The following SPECC1 variants were observed in gnomAD, a reference collection of about 807,000 sequenced individuals.
The protein encoded by SPECC1 is sperm antigen with calponin homology and coiled-coil domains 1.
SPECC1 carries 62 observed loss-of-function variants against 104.1 expected under a neutral mutation model. The observed-to-expected ratio is 0.60, with a 90% CI of 0.49 to 0.74. SPECC1 has a LOEUF of 0.74. SPECC1 is among the 30% of genes least tolerant of loss of function. SPECC1 has a pLI of 0.00. For synonymous variants in SPECC1, 513 were observed against 501.6 expected, an observed-to-expected ratio of 1.02 and a Z score of -0.30; for missense variants, 1,306 against 1,310.5, an observed-to-expected ratio of 1.00 and a Z score of 0.05.
At chr17:20,186,176 A>G (rs1430620399) in intron 3 of SPECC1, among the ~76,000 whole-genome samples, 1 of 152,198 alleles carries the variant, frequency 6.6e-6, no homozygotes, top group Non-Finnish European at 1.5e-5. Context: ...CATTTTAACT[A>G]CAGACACATC....
chr17:20,312,690 A>T (rs1162811116), intron 14 of SPECC1, among the ~76,000 whole-genome samples: 2 of 152,200 alleles, frequency 1.3e-5, no homozygotes, highest in African/African-American at 4.8e-5. Context: ...CAGTGTAGGT[A>T]GAAGGAGACA....
At position 20,239,280 on chromosome 17, in the gene SPECC1, C is replaced by T. The variant is rs538933068; in HGVS notation, c.2352-6646C>T. 1.1e-5 allele frequency: 11 copies of T among 1,013,312 alleles called. No individual in the cohort carries two copies. In the South Asian group the frequency reaches 2.8e-4, roughly 26 times the overall value. 62.8% of individuals were successfully genotyped at this position (1,013,312 alleles called of 1,614,324 possible). On this transcript the variant is annotated intron_variant, in intron 7 of 14. Coordinates refer to ENST00000395527, the MANE Select transcript of SPECC1 (RefSeq NM_001243439.2). ...AGGTATACTAATAACAAAATGGAGA[C>T]GTGTGAAGAAAAATATTAATCTTTC...
chr17:20,113,505 A>T (rs955223515), intron 3 of SPECC1, among the ~76,000 whole-genome samples: 2 of 152,216 alleles, frequency 1.3e-5, no homozygotes, highest in Admixed American at 1.3e-4. Context: ...TACTTGTCAC[A>T]GCATATGAAT....
intron 3 of SPECC1, among the ~76,000 whole-genome samples, chr17:20,202,591 T>C (rs897558397): frequency 6.6e-6 from 1 of 152,252 alleles, no homozygotes; most frequent in African/African-American, 2.4e-5. Flanking sequence ...TATTTCCTCT[T>C]CCTTATGGTT....
intron 1 of SPECC1, among the ~76,000 whole-genome samples, chr17:20,016,016 C>G (rs1323683428): frequency 1.3e-5 from 2 of 150,246 alleles, no homozygotes; most frequent in African/African-American, 2.4e-5. Context: ...TTGAGACCAT[C>G]TGGCTAACAT....
At chr17:20,076,896 A>C (rs1037016560) in intron 1 of SPECC1, among the ~76,000 whole-genome samples, 10 of 152,186 alleles carry the variant, frequency 6.6e-5, no homozygotes, top group African/African-American at 2.4e-4. Flanking sequence ...GAGTAAGAAA[A>C]ACAGAACCTC....
intron 4 of SPECC1, among the ~76,000 whole-genome samples, chr17:20,208,203 T>C (rs1567942161): frequency 2.0e-5 from 3 of 152,196 alleles, no homozygotes. Flanking sequence ...CAAATACTGA[T>C]AGTAAGAAGG....
chr17:20,063,369 A>G (rs985570980), intron 1 of SPECC1, among the ~76,000 whole-genome samples: 1 of 152,138 alleles, frequency 6.6e-6, no homozygotes, highest in South Asian at 2.1e-4. Context: ...AAATCCTTAT[A>G]TGTAATTACG....
chr17:20,314,978 G>A lies in SPECC1; in HGVS notation c.*913G>A, dbSNP rs1471406538. On this transcript the variant is annotated 3_prime_UTR_variant, in exon 15 of 15. Coordinates refer to ENST00000395527, the MANE Select transcript of SPECC1 (RefSeq NM_001243439.2). ...AAGTCTGTGTGCTCCTGAGCAGCTC[G>A]CGGCTTTCACAGTAGGGAAACCGCA... 9 of 232,588 alleles carry A rather than the reference G, an allele frequency of 3.9e-5. No individual in the cohort carries two copies. The highest frequency in any genetic ancestry group is 3.0e-4 in the East Asian group (5 of 16,524). The allele number at this position is 232,588 out of a possible 1,614,324, so 14.4% of individuals were successfully genotyped here. A position where few individuals can be genotyped will look rare whatever the true frequency, so the allele number is the denominator to read the frequency against.
intron 14 of SPECC1, 25 bp downstream of exon 14, chr17:20,306,107 G>A (rs751431281): frequency 6.3e-7 from 1 of 1,599,920 alleles, no homozygotes; most frequent in Non-Finnish European, 8.6e-7. Flanking sequence ...TTGTATCCTT[G>A]TGATACTTTA....
chr17:20,051,258 C>T (rs1255993932), intron 1 of SPECC1, among the ~76,000 whole-genome samples: 1 of 151,832 alleles, frequency 6.6e-6, no homozygotes, highest in Non-Finnish European at 1.5e-5. Flanking sequence ...CCACTGCAAC[C>T]TCTGCCTCCT....
intron 1 of SPECC1, among the ~76,000 whole-genome samples, chr17:20,033,260 G>A (rs971082573): frequency 6.6e-6 from 1 of 151,932 alleles, no homozygotes; most frequent in Non-Finnish European, 1.5e-5. Flanking sequence ...TACCATGTCC[G>A]GCCTGTATAT....
intron 12 of SPECC1, among the ~76,000 whole-genome samples, chr17:20,281,323 G>T (rs948999609): frequency 1.3e-5 from 2 of 152,136 alleles, no homozygotes; most frequent in African/African-American, 4.8e-5. Context: ...TGTCTCCTGG[G>T]CTCCCAGAAC....
intron 4 of SPECC1, among the ~76,000 whole-genome samples, chr17:20,211,648 C>T (rs1032231089): frequency 4.8e-4 from 73 of 152,354 alleles, no homozygotes; most frequent in African/African-American, 1.1e-3. Flanking sequence ...GGTCCTCTCC[C>T]GACACCCCCA....
At chr17:20,102,117 G>T (rs964003158) in intron 2 of SPECC1, among the ~76,000 whole-genome samples, 1 of 152,206 alleles carries the variant, frequency 6.6e-6, no homozygotes, top group African/African-American at 2.4e-5. Flanking sequence ...AATCTCAAGT[G>T]GTGCTGTGGC....
At chr17:20,089,910 C>T (rs1156734992) in intron 1 of SPECC1, among the ~76,000 whole-genome samples, 1 of 152,090 alleles carries the variant, frequency 6.6e-6, no homozygotes, top group Non-Finnish European at 1.5e-5. Flanking sequence ...AAGGCTGTGC[C>T]GATGACAGAA....
At chr17:20,064,579 G>A (rs1460566687) in intron 1 of SPECC1, among the ~76,000 whole-genome samples, 5 of 152,110 alleles carry the variant, frequency 3.3e-5, no homozygotes. Flanking sequence ...CTGTCCCAGC[G>A]CCAGACGTCT....
intron 4 of SPECC1, among the ~76,000 whole-genome samples, chr17:20,226,294 A>G (rs1400442760): frequency 6.6e-6 from 1 of 152,256 alleles, no homozygotes; most frequent in South Asian, 2.1e-4. Context: ...ATACATTTCA[A>G]AAACACAGTT....
chr17:20,039,918 A>G (rs2045254626), intron 1 of SPECC1, among the ~76,000 whole-genome samples: 1 of 152,182 alleles, frequency 6.6e-6, no homozygotes, highest in Non-Finnish European at 1.5e-5. Flanking sequence ...CTTTTAATTG[A>G]TATAATTAGA....
Sources: gnomAD v4.1 joint callset for allele counts (sites outside exome capture counted in the v4.1 genomes callset) on GRCh38, gnomAD v4.1.1 for gene constraint, MANE v1.5 for transcripts, NCBI Gene and HGNC (gene_info 2026-07-23, HGNC 2026-07-21) for gene names.